Variants in DOP1A observed in about 807,000 individuals in gnomAD.
DOP1A encodes the protein protein DOP1A.
Under a neutral mutation model 267.6 loss-of-function variants are expected in DOP1A, and 90 were observed. That is an observed-to-expected ratio of 0.34 (90% CI 0.28 to 0.40). The LOEUF is 0.40. Among genes scored for constraint, DOP1A ranks in the 10% least tolerant of loss-of-function variants. The pLI is 1.00. For missense variants in DOP1A, 2,437 were observed against 2,900.4 expected, an observed-to-expected ratio of 0.84 and a Z score of 3.67; for synonymous variants, 932 against 999.1, an observed-to-expected ratio of 0.93 and a Z score of 1.27.
chr6:83,130,494 A>G, intron 17 of DOP1A, 97 bp downstream of exon 17: 1 of 1,438,930 alleles, frequency 6.9e-7, no homozygotes, highest in Non-Finnish European at 9.3e-7. Context: ...AATGTTAATA[A>G]AGCTTCATTT....
At chr6:83,093,917 A>G (rs1280957768) in intron 1 of DOP1A, among the ~76,000 whole-genome samples, 1 of 152,180 alleles carries the variant, frequency 6.6e-6, no homozygotes, top group Non-Finnish European at 1.5e-5. Context: ...CCGTCTCAAA[A>G]ACAAACAAAC....
chr6:83,081,435 AACAGTAATAC>A (rs1382307209), intron 1 of DOP1A, among the ~76,000 whole-genome samples: 1 of 152,194 alleles, frequency 6.6e-6, no homozygotes, highest in African/African-American at 2.4e-5. Context: ...TGACAAAGGC[AACAGTAATAC>A]ACAGTGGGGC....
At position 83,131,188 on chromosome 6, in the gene DOP1A, T is replaced by G. The variant is rs114996455; in HGVS notation, c.2616+791T>G. On this transcript the variant is annotated intron_variant, in intron 17 of 38. Transcript: ENST00000349129. The stretch of plus-strand genomic sequence containing the variant: ...ATTTCTACCACACTGGTATAAATAT[T>G]ATTCTCTATATCGAACATCAAGTAG... Among the ~76,000 whole-genome samples, 720 of 152,280 alleles carry G rather than the reference T, an allele frequency of 4.7e-3. 6 individuals are homozygous for G. Among genetic ancestry groups the G allele is most frequent in the African/African-American group, 0.016 (668 of 41,560 alleles).
At position 83,101,158 on chromosome 6, in the gene DOP1A, G is replaced by A. The variant is rs1772502325; in HGVS notation, c.320+272G>A. On this transcript the variant is annotated intron_variant, in intron 4 of 38. Transcript: ENST00000349129. ...AGCCTCCCCAGCAGCTGGGACTACA[G>A]GCGCCCGCCACCACGCCCGACTAAT... Among the ~76,000 whole-genome samples the A allele has an allele frequency of 2.0e-5, 3 of 152,174 alleles. No individual in the cohort carries two copies. In the South Asian group the frequency reaches 6.2e-4, roughly 32 times the overall value.
At chr6:83,109,291 G>A (rs372376122) in intron 5 of DOP1A, among the ~76,000 whole-genome samples, 2 of 152,098 alleles carry the variant, frequency 1.3e-5, no homozygotes, top group African/African-American at 4.8e-5. Context: ...CATAGACTTC[G>A]GAGGTGGATG....
chr6:83,096,635 A>G, intron 1 of DOP1A, 96 bp from the exon 2 acceptor site: 1 of 406,518 alleles, frequency 2.5e-6, no homozygotes, highest in Non-Finnish European at 4.3e-6. Context: ...AACAAATATG[A>G]CAGAGAAATA....
At chr6:83,161,220 C>T (rs1183455594) in intron 37 of DOP1A, 1 of 152,040 alleles carries the variant, frequency 6.6e-6, no homozygotes, top group Non-Finnish European at 1.5e-5. Flanking sequence ...ATCAGTTTAT[C>T]CTCTTTGTCA....
intron 17 of DOP1A, among the ~76,000 whole-genome samples, chr6:83,131,032 T>C (rs887843033): frequency 2.0e-5 from 3 of 152,076 alleles, no homozygotes; most frequent in Admixed American, 2.0e-4. Flanking sequence ...GCAACACTTT[T>C]GCTTTTCATA....
intron 35 of DOP1A, among the ~76,000 whole-genome samples, chr6:83,157,895 A>G (rs1405937914): frequency 6.6e-6 from 1 of 152,224 alleles, no homozygotes; most frequent in African/African-American, 2.4e-5. Flanking sequence ...TTGGGGAGTT[A>G]GGAAAGAGGA....
intron 7 of DOP1A, among the ~76,000 whole-genome samples, chr6:83,116,258 T>C (rs1384093886): frequency 2.6e-5 from 4 of 152,212 alleles, no homozygotes; most frequent in Non-Finnish European, 5.9e-5. Context: ...CATATTCTAT[T>C]CCACTAAAAT....
intron 25 of DOP1A, among the ~76,000 whole-genome samples, chr6:83,146,472 A>G (rs1583103219): frequency 6.6e-6 from 1 of 152,204 alleles, no homozygotes; most frequent in East Asian, 1.9e-4. Flanking sequence ...GGCATTTGTC[A>G]TAGGATTTTT....
intron 24 of DOP1A, among the ~76,000 whole-genome samples, chr6:83,144,017 G>C (rs955692115): frequency 1.3e-5 from 2 of 152,180 alleles, no homozygotes; most frequent in Admixed American, 1.3e-4. Flanking sequence ...GCAACACTGG[G>C]AATTTTGATG....
intron 38 of DOP1A, among the ~76,000 whole-genome samples, chr6:83,163,543 T>A (rs1784735844): frequency 6.6e-6 from 1 of 152,208 alleles, no homozygotes. Context: ...AAATAAAATA[T>A]ATATGCTAAA....
intron 17 of DOP1A, 83 bp downstream of exon 17, chr6:83,130,480 T>G: frequency 5.4e-6 from 8 of 1,493,288 alleles, no homozygotes; most frequent in Non-Finnish European, 7.2e-6. Context: ...AGAATTATTT[T>G]TTAAATGTTA....
At position 83,118,931 on chromosome 6, in the gene DOP1A, A is replaced by T. The variant is rs1234737774; in HGVS notation, c.824A>T (p.His275Leu). 6.2e-7 allele frequency: 1 copy of T among 1,613,656 alleles called. No individual in the cohort carries two copies. The highest frequency in any genetic ancestry group is 1.7e-5 in the Admixed American group (1 of 60,008). The change falls in exon 8 of 39, where the codon CAT becomes CTT. Residue 275 changes from histidine to leucine, a missense_variant. Physicochemically the swap from His to Leu is moderately conservative, Grantham distance 99. Around this residue, in one of 9 missense-constraint regions of DOP1A, gnomAD observed 251 missense variants for 359.1 expected, o/e 0.70. Transcript: ENST00000349129. ...DMIRILSAALHVVLRRDMSLN... is the reference protein window; with the variant it reads ...DMIRILSAALLVVLRRDMSLN... ...ATCAGGATCTTGTCAGCAGCCCTTC[A>T]TGTAGTGCTAAGGAGGGATATGTCT...
At chr6:83,090,535 CAGT>C (rs1216966110) in intron 1 of DOP1A, among the ~76,000 whole-genome samples, 3 of 152,090 alleles carry the variant, frequency 2.0e-5, no homozygotes, top group Admixed American at 6.6e-5. Flanking sequence ...TGATCTAAGT[CAGT>C]GGTGTTTAAA....
At chr6:83,081,079 G>C (rs1486498352) in intron 1 of DOP1A, among the ~76,000 whole-genome samples, 3 of 152,144 alleles carry the variant, frequency 2.0e-5, no homozygotes, top group Non-Finnish European at 2.9e-5. Context: ...GAACAGAATA[G>C]AGAGCCCAGA....
At chr6:83,120,545 T>C (rs1483608886) in intron 9 of DOP1A, 138 bp from the exon 10 acceptor site, 1 of 536,242 alleles carries the variant, frequency 1.9e-6, no homozygotes, top group Non-Finnish European at 3.0e-6. Flanking sequence ...AAGGCCAAGG[T>C]TGGTGAAAAG....
intron 38 of DOP1A, chr6:83,164,621 T>G: frequency 6.5e-7 from 1 of 1,548,012 alleles, no homozygotes; most frequent in Non-Finnish European, 8.8e-7. Flanking sequence ...TACTTTTCAC[T>G]GGAACAAAGG....
Sources: allele counts gnomAD v4.1 joint callset (sites outside exome capture counted in the v4.1 genomes callset), GRCh38; gene constraint gnomAD v4.1.1; regional missense constraint gnomAD v4.1.1; transcripts MANE v1.5; gene names NCBI Gene and HGNC (gene_info 2026-07-23, HGNC 2026-07-21).